The following PCSK2 variants were observed in gnomAD, a reference collection of about 807,000 sequenced individuals.
PCSK2 encodes the protein neuroendocrine convertase 2.
A neutral mutation model predicts 69.7 loss-of-function variants in PCSK2; 14 were observed. The observed-to-expected ratio is 0.20, with a 90% CI of 0.13 to 0.31. The LOEUF is 0.31. PCSK2 is among the 10% of genes least tolerant of loss of function. PCSK2 has a pLI of 1.00. For synonymous variants in PCSK2, 307 were observed against 320.7 expected, an observed-to-expected ratio of 0.96 and a Z score of 0.46; for missense variants, 544 against 842.5, an observed-to-expected ratio of 0.65 and a Z score of 4.39.
At chr20:17,322,115 A>G (rs372270622) in intron 2 of PCSK2, among the ~76,000 whole-genome samples, 2 of 152,114 alleles carry the variant, frequency 1.3e-5, no homozygotes, top group African/African-American at 4.8e-5. Flanking sequence ...CAAAGCCCAC[A>G]AAAGAAACCT....
intron 2 of PCSK2, among the ~76,000 whole-genome samples, chr20:17,315,526 T>TCGGACCTG (rs1989657158): frequency 6.6e-6 from 1 of 152,228 alleles, no homozygotes; most frequent in East Asian, 1.9e-4. Flanking sequence ...CGGGTCTCTG[T>TCGGACCTG]CGGACCTGCG....
rs201084017 is a variant in PCSK2, at chr20:17,412,663, T to C, written c.620+3324T>C. Among the ~76,000 whole-genome samples, 10 of 152,128 alleles carry C rather than the reference T, an allele frequency of 6.6e-5. No homozygotes were observed. In the East Asian group the frequency reaches 1.9e-3, roughly 29 times the overall value. On this transcript the variant is annotated intron_variant, in intron 6 of 11. Coordinates refer to ENST00000262545, the MANE Select transcript of PCSK2 (RefSeq NM_002594.5). The stretch of plus-strand genomic sequence containing the variant: ...CTAGCAAGGCAGGCCAACATTCAGA[T>C]TCAGGAAATACAGAGAACACCACAA...
intron 1 of PCSK2, among the ~76,000 whole-genome samples, chr20:17,238,280 C>T (rs1332121812): frequency 1.7e-5 from 1 of 58,658 alleles, no homozygotes; most frequent in Non-Finnish European, 3.9e-5. Context: ...AATTTCTTAG[C>T]ACTTGTCAGA....
intron 2 of PCSK2, among the ~76,000 whole-genome samples, chr20:17,281,738 G>A (rs1171469657): frequency 6.6e-6 from 1 of 152,112 alleles, no homozygotes; most frequent in Non-Finnish European, 1.5e-5. Flanking sequence ...GCAGGCCATG[G>A]CCAGCCTATG....
In PCSK2 at chr20:17,261,242, T is replaced by C. The variant is rs149709109; in HGVS notation, c.282+898T>C. Among the ~76,000 whole-genome samples, 4 of 152,326 alleles carry C rather than the reference T, an allele frequency of 2.6e-5. No individual in the cohort carries two copies. In the East Asian group the frequency reaches 7.7e-4, roughly 29 times the overall value. The stretch of plus-strand genomic sequence containing the variant: ...TCTGTACATTGAAGGCAGCGTAACC[T>C]CTTTCTCAGGACTCTCAGGGACCAG... On this transcript the variant is annotated intron_variant, in intron 2 of 11. Coordinates refer to ENST00000262545, the MANE Select transcript of PCSK2 (RefSeq NM_002594.5).
intron 2 of PCSK2, among the ~76,000 whole-genome samples, chr20:17,276,960 C>T (rs944844178): frequency 1.9e-4 from 29 of 152,208 alleles, no homozygotes; most frequent in Middle Eastern, 3.4e-3. Flanking sequence ...AGTGAACTCC[C>T]ATTCACAATT....
chr20:17,457,827 C>T (rs1370864729), intron 10 of PCSK2, among the ~76,000 whole-genome samples: 4 of 152,176 alleles, frequency 2.6e-5, no homozygotes, highest in South Asian at 2.1e-4. Context: ...GAAGGGTTTC[C>T]GGTTGCCCTT....
intron 9 of PCSK2, among the ~76,000 whole-genome samples, chr20:17,454,248 C>T (rs2032879629): frequency 6.6e-6 from 1 of 152,220 alleles, no homozygotes; most frequent in Admixed American, 6.5e-5. Context: ...GTCTGGTTTA[C>T]CAATCAGTTG....
chr20:17,260,657 G>C lies in PCSK2; in HGVS notation c.282+313G>C, dbSNP rs554493313. On this transcript the variant is annotated intron_variant, in intron 2 of 11. Coordinates refer to ENST00000262545, the MANE Select transcript of PCSK2 (RefSeq NM_002594.5). Reference sequence around the variant, plus strand: ...CTGGGAACATGTTTTGGCCTGTGATGGATGGGAAGACAACAAGCAGTTTAA... The same window carrying C: ...CTGGGAACATGTTTTGGCCTGTGATCGATGGGAAGACAACAAGCAGTTTAA... 1.2e-4 allele frequency among the ~76,000 whole-genome samples: 18 copies of C among 152,220 alleles called. No homozygotes were observed. In the East Asian group the frequency reaches 3.5e-3, roughly 29 times the overall value.
intron 5 of PCSK2, among the ~76,000 whole-genome samples, chr20:17,408,262 TGAGA>T (rs2031795549): frequency 1.3e-5 from 2 of 151,870 alleles, no homozygotes; most frequent in Admixed American, 1.3e-4. Flanking sequence ...AAAAGGAACT[TGAGA>T]GAGAGCAGCT....
At position 17,332,522 on chromosome 20, in the gene PCSK2, C is replaced by T. The variant is rs868182996; in HGVS notation, c.283-25805C>T. Among the ~76,000 whole-genome samples the T allele has an allele frequency of 6.3e-4, 96 of 152,302 alleles. 2 individuals are homozygous for T. Among genetic ancestry groups the T allele is most frequent in the Non-Finnish European group, 8.5e-4 (58 of 68,024 alleles). On this transcript the variant is annotated intron_variant, in intron 2 of 11. Coordinates refer to ENST00000262545, the MANE Select transcript of PCSK2 (RefSeq NM_002594.5). The stretch of plus-strand genomic sequence containing the variant: ...AATCTGGGAGGGACACCATCAAGCA[C>T]AGCTTTCTCTAGGGCAACAGTTCTC...
At chr20:17,444,300 C>T (rs562249033) in intron 8 of PCSK2, among the ~76,000 whole-genome samples, 4 of 152,090 alleles carry the variant, frequency 2.6e-5, no homozygotes, top group Non-Finnish European at 5.9e-5. Context: ...AGACTTTTAT[C>T]GGGGCATGCA....
intron 6 of PCSK2, among the ~76,000 whole-genome samples, chr20:17,418,655 A>G (rs183748764): frequency 2.6e-5 from 4 of 152,334 alleles, no homozygotes; most frequent in Admixed American, 6.5e-5. Flanking sequence ...AGAAGCCCCA[A>G]TAGCCTGGAG....
rs576106799 is a variant in PCSK2, at chr20:17,440,582, T to C, written c.885+3699T>C. 3.9e-5 allele frequency among the ~76,000 whole-genome samples: 6 copies of C among 152,200 alleles called. No homozygotes were observed. The East Asian group carries it at 1.2e-3, about 30-fold the overall frequency. On this transcript the variant is annotated intron_variant, in intron 8 of 11. Transcript: ENST00000262545. ...CTCGTAAGAATGCACCAGGAGGGCC[T>C]TGGCATAGTGGCTCACGCCTGTAAT...
intron 2 of PCSK2, among the ~76,000 whole-genome samples, chr20:17,262,621 T>A (rs532722602): frequency 6.6e-6 from 1 of 152,322 alleles, no homozygotes; most frequent in Non-Finnish European, 1.5e-5. Flanking sequence ...TCATTGACTA[T>A]GAACAGTGCA....
chr20:17,357,507 C>G (rs2030242769), intron 2 of PCSK2, among the ~76,000 whole-genome samples: 1 of 152,274 alleles, frequency 6.6e-6, no homozygotes, highest in Non-Finnish European at 1.5e-5. Context: ...TTCACTCTCT[C>G]TCTTCCTGAA....
In PCSK2 at chr20:17,318,460, GAAA is replaced by G. The variant is rs1207058837; in HGVS notation, c.283-39864_283-39862del. Among the ~76,000 whole-genome samples, 3 of 152,126 alleles carry G rather than the reference GAAA, an allele frequency of 2.0e-5. No individual in the cohort carries two copies. The South Asian group carries it at 6.2e-4, about 32-fold the overall frequency. ...ATGTTTTTCATCATTTCATATAGAT[GAAA>G]AACAACATTACCAGCCCCTGTTTCA... On this transcript the variant is annotated intron_variant, in intron 2 of 11. Coordinates refer to ENST00000262545, the MANE Select transcript of PCSK2 (RefSeq NM_002594.5).
intron 8 of PCSK2, among the ~76,000 whole-genome samples, chr20:17,437,521 C>T (rs73898548): frequency 0.069 from 10,473 of 152,170 alleles, 575 homozygotes; most frequent in African/African-American, 0.15. Flanking sequence ...GAGACATGAC[C>T]CCAGGCTCAG....
intron 6 of PCSK2, among the ~76,000 whole-genome samples, chr20:17,412,992 G>T (rs1228077458): frequency 6.6e-6 from 1 of 152,150 alleles, no homozygotes; most frequent in Admixed American, 6.5e-5. Context: ...GAGAGATTTT[G>T]TCACCACCAG....
Sources: allele counts gnomAD v4.1 joint callset (sites outside exome capture counted in the v4.1 genomes callset), GRCh38; gene constraint gnomAD v4.1.1; transcripts MANE v1.5; gene names NCBI Gene and HGNC (gene_info 2026-07-23, HGNC 2026-07-21).